The following CMYA5 variants were observed in gnomAD, a reference collection of about 807,000 sequenced individuals.
CMYA5 encodes cardiomyopathy associated 5.
A neutral mutation model predicts 318.9 loss-of-function variants in CMYA5; 246 were observed. That is an observed-to-expected ratio of 0.77 (90% CI 0.70 to 0.86). CMYA5 has a LOEUF of 0.86. Among genes scored for constraint, CMYA5 ranks in the 40% least tolerant of loss-of-function variants. CMYA5 has a pLI of 0.00. For synonymous variants in CMYA5, 1,641 were observed against 1,729.5 expected (o/e 0.95, Z 1.27); for missense variants, 4,589 against 4,678.2 (o/e 0.98, Z 0.56).
At chr5:79,741,299 G>A (rs576446164) in intron 2 of CMYA5, among the ~76,000 whole-genome samples, 47 of 152,294 alleles carry the variant, frequency 3.1e-4, no homozygotes, top group Admixed American at 7.8e-4. Context: ...CATGGAAGGC[G>A]AAACTGGGGC....
chr5:79,792,169 T>G (rs1422041089), intron 11 of CMYA5, among the ~76,000 whole-genome samples: 1 of 152,222 alleles, frequency 6.6e-6, no homozygotes, highest in Admixed American at 6.5e-5. Context: ...ATCTTACCTG[T>G]GTAAAAGAAC....
intron 11 of CMYA5, among the ~76,000 whole-genome samples, chr5:79,792,818 A>C (rs1241335523): frequency 6.6e-6 from 1 of 152,228 alleles, no homozygotes; most frequent in Non-Finnish European, 1.5e-5. Flanking sequence ...GACAAAAAGA[A>C]ACCTTCAACC....
chr5:79,703,154 C>T (rs754322774), intron 1 of CMYA5, among the ~76,000 whole-genome samples: 2 of 152,192 alleles, frequency 1.3e-5, no homozygotes, highest in Non-Finnish European at 2.9e-5. Flanking sequence ...GATTTTGTTA[C>T]CTGACCCTCA....
At chr5:79,759,913 C>A (rs902216664) in intron 7 of CMYA5, among the ~76,000 whole-genome samples, 10 of 152,294 alleles carry the variant, frequency 6.6e-5, no homozygotes, top group Non-Finnish European at 1.5e-4. Flanking sequence ...TGACCTATTT[C>A]CATATGCCTG....
In CMYA5 at chr5:79,738,305, A is replaced by G; in HGVS notation, c.9540A>G (p.Pro3180=). The G allele has an allele frequency of 6.2e-7, 1 of 1,613,510 alleles. No homozygotes were observed. Among genetic ancestry groups the G allele is most frequent in the East Asian group, 2.2e-5 (1 of 44,880 alleles). Residue 3180 remains proline (P), a synonymous_variant, in exon 2 of 13, where the codon CCA becomes CCG. Coordinates refer to ENST00000446378, the MANE Select transcript of CMYA5 (RefSeq NM_153610.5). Reference sequence around the variant, plus strand: ...CTACCACTATTAAAGTCATTGATCCAGAATTTCTGGAGGAGCCACCTGCAC... The same window carrying G: ...CTACCACTATTAAAGTCATTGATCCGGAATTTCTGGAGGAGCCACCTGCAC... ...IFPTTIKVID[P]EFLEEPPALA...
chr5:79,731,070 C>T lies in CMYA5; in HGVS notation c.2305C>T (p.Leu769=). 1.9e-6 allele frequency: 3 copies of T among 1,614,018 alleles called. No homozygotes were observed. Among genetic ancestry groups the T allele is most frequent in the Non-Finnish European group, 2.5e-6 (3 of 1,179,900 alleles). ...TEKTSECQSP[L]PSTATSEHVV... ...AAAGACTTCTGAATGCCAGTCACCACTGCCTTCTACTGCCACATCAGAACA... is the reference window on the plus strand; with the variant it reads ...AAAGACTTCTGAATGCCAGTCACCATTGCCTTCTACTGCCACATCAGAACA... The change falls in exon 2 of 13, where the codon CTG becomes TTG. Residue 769 remains leucine (L), a synonymous_variant. Coordinates refer to ENST00000446378, the MANE Select transcript of CMYA5 (RefSeq NM_153610.5).
chr5:79,697,327 T>C (rs1827087133), intron 1 of CMYA5, among the ~76,000 whole-genome samples: 1 of 152,168 alleles, frequency 6.6e-6, no homozygotes, highest in African/African-American at 2.4e-5. Flanking sequence ...GGGTCCCTCT[T>C]GTTAGTCCTC....
intron 10 of CMYA5, 148 bp downstream of exon 10, chr5:79,789,252 A>G: frequency 1.2e-6 from 1 of 822,164 alleles, no homozygotes. Context: ...GGTTGGTCAA[A>G]GGTCAAGATA....
chr5:79,737,339 A>G lies in CMYA5; in HGVS notation c.8574A>G (p.Thr2858=), dbSNP rs1828098812. ...CTATTCAGACATCTAAAGATGACAC[A>G]TCCGATGTGCCTAAACAATCTGTTC... The part of the protein sequence containing the change: ...VHTIQTSKDD[T]SDVPKQSVLV... Residue 2858 remains threonine (T), a synonymous_variant, in exon 2 of 13, where the codon ACA becomes ACG. Transcript: ENST00000446378. The G allele has an allele frequency of 1.5e-5, 24 of 1,613,870 alleles. No homozygotes were observed. The highest frequency in any genetic ancestry group is 2.0e-5 in the Non-Finnish European group (24 of 1,179,818).
Position 79,732,935 on chromosome 5 carries a change from A to G in CMYA5, c.4170A>G (p.Lys1390=). The G allele has an allele frequency of 6.2e-7, 1 of 1,613,740 alleles. No individual in the cohort carries two copies. The highest frequency in any genetic ancestry group is 8.5e-7 in the Non-Finnish European group (1 of 1,179,796). ...CTGTAGATCGTCCAGTCTTAACAAAAGTAGGAAAGGGTGAATTAGGAAGTG... is the reference window on the plus strand; with the variant it reads ...CTGTAGATCGTCCAGTCTTAACAAAGGTAGGAAAGGGTGAATTAGGAAGTG... The part of the protein sequence containing the change: ...ITPVDRPVLT[K]VGKGELGSGL... The change falls in exon 2 of 13, where the codon AAA becomes AAG. Residue 1390 remains lysine (K), a synonymous_variant. Transcript: ENST00000446378.
In CMYA5 at chr5:79,776,934, G is replaced by C. The variant is rs143998468; in HGVS notation, c.11556-12037G>C. 4.7e-3 allele frequency among the ~76,000 whole-genome samples: 712 copies of C among 152,260 alleles called. 8 individuals are homozygous for C. The highest frequency in any genetic ancestry group is 0.016 in the African/African-American group (664 of 41,532). ...TGGGGAGAAAGCATACTTAGATCCA[G>C]GGGTTGGACATGGTGGTACAGAGAA... On this transcript the variant is annotated intron_variant, in intron 9 of 12. Coordinates refer to ENST00000446378, the MANE Select transcript of CMYA5 (RefSeq NM_153610.5).
At position 79,797,213 on chromosome 5, in the gene CMYA5, A is replaced by G. The variant is rs539958905; in HGVS notation, c.11964-2157A>G. 6.6e-4 allele frequency among the ~76,000 whole-genome samples: 100 copies of G among 152,306 alleles called. 1 individual carries two copies. Among genetic ancestry groups the G allele is most frequent in the African/African-American group, 2.2e-3 (93 of 41,566 alleles). On this transcript the variant is annotated intron_variant, in intron 12 of 12. Transcript: ENST00000446378. ...CCATCCATTTATTCATTGCACAAAT[A>G]TGTACTAGGAACCACTGGAGTGAGA...
At chr5:79,719,711 A>G (rs797010792) in intron 1 of CMYA5, among the ~76,000 whole-genome samples, 6 of 152,344 alleles carry the variant, frequency 3.9e-5, no homozygotes, top group African/African-American at 1.4e-4. Context: ...ATGGAGAAGT[A>G]GTAGATCACA....
chr5:79,744,644 G>C (rs181141445), intron 3 of CMYA5, among the ~76,000 whole-genome samples: 1 of 152,252 alleles, frequency 6.6e-6, no homozygotes, highest in African/African-American at 2.4e-5. Flanking sequence ...TAGTTATTTC[G>C]GGTGTCACCT....
intron 1 of CMYA5, among the ~76,000 whole-genome samples, chr5:79,709,527 C>T (rs567614793): frequency 7.9e-5 from 12 of 151,408 alleles, no homozygotes; most frequent in Non-Finnish European, 1.3e-4. Flanking sequence ...AGTTCTAAGA[C>T]ATTATTTGCA....
chr5:79,763,989 T>G (rs549444347), intron 9 of CMYA5, among the ~76,000 whole-genome samples: 1 of 152,242 alleles, frequency 6.6e-6, no homozygotes, highest in South Asian at 2.1e-4. Flanking sequence ...AATAATGGTA[T>G]GAAACTAGAC....
At chr5:79,690,664 A>G (rs533480132) in intron 1 of CMYA5, among the ~76,000 whole-genome samples, 26 of 152,236 alleles carry the variant, frequency 1.7e-4, no homozygotes, top group African/African-American at 6.0e-4. Context: ...CCACCCTTCG[A>G]TCTCCCACCC....
chr5:79,787,413 A>G (rs1002248383), intron 9 of CMYA5, among the ~76,000 whole-genome samples: 1 of 152,228 alleles, frequency 6.6e-6, no homozygotes, highest in Non-Finnish European at 1.5e-5. Context: ...TCAGTCATCA[A>G]TTCCAATAAG....
At position 79,736,469 on chromosome 5, in the gene CMYA5, G is replaced by C; in HGVS notation, c.7704G>C (p.Met2568Ile). The C allele has an allele frequency of 6.2e-7, 1 of 1,610,530 alleles. No individual in the cohort carries two copies. Among genetic ancestry groups the C allele is most frequent in the Non-Finnish European group, 8.5e-7 (1 of 1,178,122 alleles). The change falls in exon 2 of 13, where the codon ATG becomes ATC. Residue 2568 changes from methionine to isoleucine, a missense_variant. Coordinates refer to ENST00000446378, the MANE Select transcript of CMYA5 (RefSeq NM_153610.5). Reference protein sequence around the residue: ...QPYSVNVAESMSRESDISLGH... With the variant: ...QPYSVNVAESISRESDISLGH... ...ATTCTGTGAATGTAGCCGAGTCTAT[G>C]AGTAGAGAATCAGATATCTCTTTAG...
Sources: gnomAD v4.1 joint callset for allele counts (sites outside exome capture counted in the v4.1 genomes callset) on GRCh38, gnomAD v4.1.1 for gene constraint, MANE v1.5 for transcripts, NCBI Gene and HGNC (gene_info 2026-07-23, HGNC 2026-07-21) for gene names.